Variants in NEXMIF observed in about 807,000 individuals in gnomAD.
The protein encoded by NEXMIF is neurite extension and migration factor, also known as XLMR protein related to neurite extension.
In NEXMIF, 8 loss-of-function variants were observed where a neutral mutation model predicts 62.1. The ratio of observed to expected loss-of-function variants is 0.13; its 90% CI spans 0.08 to 0.23. The LOEUF (loss-of-function observed/expected upper bound fraction) is 0.23. Ranked by LOEUF, NEXMIF falls within the 10% of genes least tolerant of loss-of-function variation. NEXMIF has a pLI of 1.00. For synonymous variants in NEXMIF, 404 were observed against 416.6 expected (o/e 0.97, Z 0.37); for missense variants, 976 against 1,113.3 (o/e 0.88, Z 1.75).
At chrX:74,799,071 C>A (rs1410266024) in intron 1 of NEXMIF, among the ~76,000 whole-genome samples, 2 of 110,952 alleles carry the variant, frequency 1.8e-5, no homozygotes, top group Non-Finnish European at 3.8e-5. Context: ...TGCCATGTTG[C>A]CTAGGCTGGT....
At chrX:74,921,833 G>A (rs1174766934) in intron 1 of NEXMIF, among the ~76,000 whole-genome samples, 1 of 111,645 alleles carries the variant, frequency 9.0e-6, no homozygotes, top group African/African-American at 3.3e-5. Flanking sequence ...CATCCACTTT[G>A]GCCCTTTTCT....
chrX:74,883,489 C>T (rs945305871), intron 1 of NEXMIF, among the ~76,000 whole-genome samples: 4 of 109,085 alleles, frequency 3.7e-5, no homozygotes, highest in Non-Finnish European at 5.6e-5. Flanking sequence ...ATGAGAATTA[C>T]GTGACGAATG....
intron 1 of NEXMIF, among the ~76,000 whole-genome samples, chrX:74,872,907 T>TA (rs1432671064): frequency 9.0e-5 from 10 of 110,544 alleles, no homozygotes; most frequent in South Asian, 3.8e-4. Context: ...GCCATAATGC[T>TA]GTAGTGCAAT....
chrX:74,876,114 T>C (rs2080631787), intron 1 of NEXMIF, among the ~76,000 whole-genome samples: 1 of 111,644 alleles, frequency 9.0e-6, no homozygotes, highest in Admixed American at 9.5e-5. Flanking sequence ...TCCTGCTTTC[T>C]CTTGTGGGCA....
chrX:74,761,707 C>T (rs2080176666), intron 1 of NEXMIF, among the ~76,000 whole-genome samples: 1 of 110,303 alleles, frequency 9.1e-6, no homozygotes, highest in Non-Finnish European at 1.9e-5. Flanking sequence ...AATGGTTTTT[C>T]GTGTCTTGAC....
At chrX:74,880,520 G>A (rs1211233434) in intron 1 of NEXMIF, among the ~76,000 whole-genome samples, 7 of 111,665 alleles carry the variant, frequency 6.3e-5, no homozygotes, top group African/African-American at 2.3e-4. Flanking sequence ...TGCACCATAA[G>A]TAGAGGCTTT....
chrX:74,858,109 A>T (rs2080542055), intron 1 of NEXMIF, among the ~76,000 whole-genome samples: 1 of 112,138 alleles, frequency 8.9e-6, no homozygotes, highest in South Asian at 3.8e-4. Flanking sequence ...TGAAGGGAAG[A>T]ACAAAATTGT....
chrX:74,922,578 AT>A (rs746768797), intron 1 of NEXMIF, among the ~76,000 whole-genome samples: 5 of 112,224 alleles, frequency 4.5e-5, no homozygotes, highest in Non-Finnish European at 9.4e-5. Flanking sequence ...CATTTAAATT[AT>A]GTTATGTTAA....
In NEXMIF at chrX:74,863,781, T is replaced by C. The variant is rs191933277; in HGVS notation, c.-48+61102A>G. The stretch of plus-strand genomic sequence containing the variant: ...TTTTATGAGGCCAGCATCATCTTGA[T>C]ACCAAAACCTGGCAGAGATACAATA... On this transcript the variant is annotated intron_variant, in intron 1 of 3. Coordinates refer to ENST00000055682, the MANE Select transcript of NEXMIF (RefSeq NM_001008537.3). Among the ~76,000 whole-genome samples, 380 of 112,113 alleles carry C rather than the reference T, an allele frequency of 3.4e-3. 2 individuals are homozygous for C. The highest frequency in any genetic ancestry group is 0.012 in the African/African-American group (362 of 30,843).
intron 1 of NEXMIF, among the ~76,000 whole-genome samples, chrX:74,870,198 G>T (rs1296014604): frequency 9.0e-6 from 1 of 111,294 alleles, no homozygotes; most frequent in Non-Finnish European, 1.9e-5. Context: ...TTTTGACAAA[G>T]GTGCCAAGAA....
chrX:74,796,222 C>CATATATAATATATATATAT (rs1395627004), intron 1 of NEXMIF, among the ~76,000 whole-genome samples: 1 of 54,108 alleles, frequency 1.8e-5, no homozygotes, highest in Admixed American at 3.0e-4. Context: ...TATATATATA[C>CATATATAATATATATATAT]ATATATAATA....
In NEXMIF at chrX:74,740,294, G is replaced by A; in HGVS notation, c.4263C>T (p.Asp1421=). Residue 1421 remains aspartate, a synonymous_variant, in exon 3 of 4, where the codon GAC becomes GAT. Transcript: ENST00000055682. The part of the protein sequence containing the change: ...GRANMPGYNE[D]SRSTFFDKKY... ...TTTTATCAAAGAAGGTAGAGCGAGA[G>A]TCCTCGTTATAACCAGGCATGTTTG... 1 of 1,211,136 alleles carries A rather than the reference G, an allele frequency of 8.3e-7. No individual in the cohort carries two copies. Among genetic ancestry groups the A allele is most frequent in the Non-Finnish European group, 1.1e-6 (1 of 895,169 alleles).
At chrX:74,818,137 T>C (rs1382668919) in intron 1 of NEXMIF, among the ~76,000 whole-genome samples, 1 of 109,807 alleles carries the variant, frequency 9.1e-6, no homozygotes, top group African/African-American at 3.3e-5. Flanking sequence ...ACTTATAAAA[T>C]TCAGAACCAA....
chrX:74,756,085 G>T (rs1371336232), intron 1 of NEXMIF, among the ~76,000 whole-genome samples: 1 of 109,243 alleles, frequency 9.2e-6, no homozygotes, highest in Non-Finnish European at 1.9e-5. Flanking sequence ...ATGTTGGTCA[G>T]GCTGGTCTCC....
intron 1 of NEXMIF, among the ~76,000 whole-genome samples, chrX:74,762,295 A>T (rs1411249401): frequency 3.6e-5 from 4 of 111,071 alleles, no homozygotes; most frequent in Admixed American, 9.6e-5. Flanking sequence ...ACATGAACTC[A>T]TCCTTTTTTA....
chrX:74,764,302 A>C (rs1248355247), intron 1 of NEXMIF, among the ~76,000 whole-genome samples: 1 of 112,091 alleles, frequency 8.9e-6, no homozygotes, highest in African/African-American at 3.2e-5. Flanking sequence ...CCAGCTTTGC[A>C]TCCCAGGGAT....
intron 1 of NEXMIF, among the ~76,000 whole-genome samples, chrX:74,904,859 T>C (rs2080761766): frequency 9.0e-6 from 1 of 110,925 alleles, no homozygotes; most frequent in African/African-American, 3.3e-5. Flanking sequence ...CTTCATGGAA[T>C]GGGGTAACAG....
intron 1 of NEXMIF, among the ~76,000 whole-genome samples, chrX:74,831,923 G>A (rs2080439049): frequency 8.9e-6 from 1 of 111,982 alleles, no homozygotes; most frequent in South Asian, 3.6e-4. Context: ...ATATTGATTT[G>A]TGTATGCTGT....
At chrX:74,844,514 GA>G (rs1356601220) in intron 1 of NEXMIF, among the ~76,000 whole-genome samples, 1 of 111,257 alleles carries the variant, frequency 9.0e-6, no homozygotes, top group African/African-American at 3.3e-5. Flanking sequence ...AAAGAAAAAA[GA>G]ACAGTTGTTT....
Sources: gnomAD v4.1 joint callset for allele counts (sites outside exome capture counted in the v4.1 genomes callset) on GRCh38, gnomAD v4.1.1 for gene constraint, MANE v1.5 for transcripts, NCBI Gene and HGNC (gene_info 2026-07-23, HGNC 2026-07-21) for gene names.